SUSD4: variants seen among roughly 807,000 people sequenced by gnomAD.
The protein encoded by SUSD4 is sushi domain-containing protein 4.
SUSD4 carries 41 observed loss-of-function variants against 50.5 expected under a neutral mutation model. That is an observed-to-expected ratio of 0.81 (90% CI 0.63 to 1.05). SUSD4 has a LOEUF of 1.05. Ranked by LOEUF, SUSD4 falls within the 50% of genes least tolerant of loss-of-function variation. The probability of loss-of-function intolerance (pLI) is 0.00; values close to 1 mark genes in which losing one functional copy is unlikely to be tolerated. For missense variants in SUSD4, 580 were observed against 634.7 expected, an observed-to-expected ratio of 0.91 and a Z score of 0.93; for synonymous variants, 257 against 257.3, an observed-to-expected ratio of 1.00 and a Z score of 0.01.
chr1:223,343,297 C>T (rs981630812), intron 2 of SUSD4, among the ~76,000 whole-genome samples: 4 of 152,166 alleles, frequency 2.6e-5, no homozygotes, highest in African/African-American at 9.7e-5. Flanking sequence ...GTGAGATTCT[C>T]CTTCTTCTCC....
chr1:223,256,517 C>A (rs1661703535), intron 5 of SUSD4, among the ~76,000 whole-genome samples: 1 of 152,192 alleles, frequency 6.6e-6, no homozygotes, highest in South Asian at 2.1e-4. Flanking sequence ...GCAGATGACT[C>A]CAGGCTCACA....
chr1:223,227,944 C>A lies in SUSD4; in HGVS notation c.917-206G>T, dbSNP rs117286632. Among the ~76,000 whole-genome samples the A allele has an allele frequency of 5.3e-3, 800 of 152,334 alleles. 35 individuals carry two copies. The East Asian group carries it at 0.12, about 22-fold the overall frequency. ...CCACCCAACACTAAAAACCTGTCTCCAGCATGGGCTCTGCCAGGTTGCAGA... is the reference window on the plus strand; with the variant it reads ...CCACCCAACACTAAAAACCTGTCTCAAGCATGGGCTCTGCCAGGTTGCAGA... On this transcript the variant is annotated intron_variant, in intron 6 of 8. Coordinates refer to ENST00000366878, the MANE Select transcript of SUSD4 (RefSeq NM_017982.4). The surrounding 1 kb of genome is among the most constrained non-coding windows in gnomAD (Gnocchi z 4.5).
At chr1:223,346,702 T>C (rs1235971767) in intron 2 of SUSD4, among the ~76,000 whole-genome samples, 3 of 152,218 alleles carry the variant, frequency 2.0e-5, no homozygotes, top group Non-Finnish European at 4.4e-5. Context: ...ACCTAATTCA[T>C]AAAGCTGCTG....
chr1:223,252,826 G>A lies in SUSD4; in HGVS notation c.724+11804C>T, dbSNP rs138412466. On this transcript the variant is annotated intron_variant, in intron 5 of 8. Transcript: ENST00000366878. ...GGTCAGAAAATGCATTAGGGGCCGG[G>A]CGCAGAGGCTCATGTCTGTAATTCC... Among the ~76,000 whole-genome samples the A allele has an allele frequency of 8.5e-5, 13 of 152,168 alleles. No homozygotes were observed. The East Asian group carries it at 2.5e-3, about 30-fold the overall frequency.
chr1:223,222,833 G>A (rs1317719817), intron 8 of SUSD4, among the ~76,000 whole-genome samples: 3 of 152,118 alleles, frequency 2.0e-5, no homozygotes, highest in Non-Finnish European at 4.4e-5. Flanking sequence ...GCGTGCCTCT[G>A]GATCCTTCTT....
At chr1:223,291,242 C>T (rs981368057) in intron 3 of SUSD4, among the ~76,000 whole-genome samples, 3 of 152,002 alleles carry the variant, frequency 2.0e-5, no homozygotes, top group African/African-American at 7.2e-5. Context: ...CCTGTAATCG[C>T]AGCACTTTGG....
intron 2 of SUSD4, among the ~76,000 whole-genome samples, chr1:223,343,597 A>G (rs1238937751): frequency 2.6e-5 from 4 of 152,234 alleles, no homozygotes; most frequent in Admixed American, 6.5e-5. Context: ...ATGTCTATAT[A>G]CTATTTGGGG....
At chr1:223,336,653 G>T (rs1157394123) in intron 2 of SUSD4, among the ~76,000 whole-genome samples, 1 of 152,076 alleles carries the variant, frequency 6.6e-6, no homozygotes, top group Non-Finnish European at 1.5e-5. Context: ...GTATGAACTG[G>T]CTTCATTTAT....
At chr1:223,331,519 A>AAT (rs1278603204) in intron 2 of SUSD4, among the ~76,000 whole-genome samples, 1 of 152,196 alleles carries the variant, frequency 6.6e-6, no homozygotes, top group Non-Finnish European at 1.5e-5. Flanking sequence ...CCAAAAGGCA[A>AAT]ATGCAAGCAC....
intron 3 of SUSD4, among the ~76,000 whole-genome samples, chr1:223,275,912 G>T (rs530270190): frequency 2.6e-5 from 4 of 152,200 alleles, no homozygotes; most frequent in Admixed American, 2.6e-4. Context: ...CCTAATCCGC[G>T]CAAGCTGGGG....
chr1:223,258,037 C>T (rs1371995510), intron 5 of SUSD4, among the ~76,000 whole-genome samples: 3 of 152,180 alleles, frequency 2.0e-5, no homozygotes, highest in Non-Finnish European at 4.4e-5. Context: ...CAGCCTGCCT[C>T]CAGGATCAGG....
At chr1:223,320,553 T>A (rs1666514476) in intron 2 of SUSD4, among the ~76,000 whole-genome samples, 1 of 152,020 alleles carries the variant, frequency 6.6e-6, no homozygotes, top group Admixed American at 6.5e-5. Context: ...GTGGGGGCAA[T>A]GGGTTTGTCT....
At chr1:223,339,938 G>A (rs775517875) in intron 2 of SUSD4, among the ~76,000 whole-genome samples, 1 of 152,134 alleles carries the variant, frequency 6.6e-6, no homozygotes, top group African/African-American at 2.4e-5. Context: ...GAAGAAAAGG[G>A]GGCTCTCATT....
intron 2 of SUSD4, among the ~76,000 whole-genome samples, chr1:223,323,418 A>G (rs1047564633): frequency 2.2e-4 from 33 of 152,140 alleles, no homozygotes; most frequent in Admixed American, 2.2e-3. Flanking sequence ...TGGTGTGTAG[A>G]GTTCTGATCA....
chr1:223,262,058 C>T (rs905722632), intron 5 of SUSD4, among the ~76,000 whole-genome samples: 1 of 152,192 alleles, frequency 6.6e-6, no homozygotes, highest in Non-Finnish European at 1.5e-5. Flanking sequence ...ATATGCTATG[C>T]TCCCTCCATG....
At chr1:223,235,154 G>GA (rs142519653) in intron 5 of SUSD4, 35,079 of 1,299,092 alleles carry the variant, frequency 0.027, 622 homozygotes, top group East Asian at 0.18. Context: ...TCTCTTGATT[G>GA]AAAAAAAAAA....
At chr1:223,315,352 T>C (rs80133415) in intron 2 of SUSD4, among the ~76,000 whole-genome samples, 247 of 152,332 alleles carry the variant, frequency 1.6e-3, no homozygotes, top group Non-Finnish European at 2.7e-3. Context: ...CTCTAATTAC[T>C]CAACTTCTCT....
At chr1:223,256,948 A>G (rs907428269) in intron 5 of SUSD4, among the ~76,000 whole-genome samples, 1 of 152,182 alleles carries the variant, frequency 6.6e-6, no homozygotes, top group African/African-American at 2.4e-5. Flanking sequence ...TTCCTCATCT[A>G]TAGGCTGGCG....
At chr1:223,287,269 G>T (rs988649738) in intron 3 of SUSD4, among the ~76,000 whole-genome samples, 1 of 152,206 alleles carries the variant, frequency 6.6e-6, no homozygotes, top group South Asian at 2.1e-4. Flanking sequence ...TAAAGACAAG[G>T]TTCCGCCATG....
Sources: allele counts gnomAD v4.1 joint callset (sites outside exome capture counted in the v4.1 genomes callset), GRCh38; gene constraint gnomAD v4.1.1; non-coding constraint Gnocchi (gnomAD v3.1); transcripts MANE v1.5; gene names NCBI Gene and HGNC (gene_info 2026-07-23, HGNC 2026-07-21).